SGCD: variants seen among roughly 807,000 people sequenced by gnomAD.
The protein encoded by SGCD is sarcoglycan delta, also known as delta-sarcoglycan.
SGCD carries 18 observed loss-of-function variants against 36.6 expected under a neutral mutation model. The ratio of observed to expected loss-of-function variants is 0.49; its 90% CI spans 0.34 to 0.73. SGCD has a LOEUF of 0.73. SGCD is among the 30% of genes least tolerant of loss of function. The probability of loss-of-function intolerance (pLI) is 0.01; values close to 1 mark genes in which losing one functional copy is unlikely to be tolerated. For synonymous variants in SGCD, 133 were observed against 130.6 expected (o/e 1.02, Z -0.12); for missense variants, 387 against 346.7 (o/e 1.12, Z -0.92).
chr5:156,506,409 A>G (rs1756696303), intron 3 of SGCD, among the ~76,000 whole-genome samples: 1 of 152,170 alleles, frequency 6.6e-6, no homozygotes, highest in South Asian at 2.1e-4. Context: ...TTCCGTCCGC[A>G]GAAACAAAGG....
chr5:156,034,593 C>T (rs1270795223), intron 1 of SGCD, among the ~76,000 whole-genome samples: 1 of 152,118 alleles, frequency 6.6e-6, no homozygotes, highest in Non-Finnish European at 1.5e-5. Flanking sequence ...TGTGATTTTG[C>T]TAAGTGACCA....
chr5:156,535,594 A>C (rs1758072036), intron 4 of SGCD, among the ~76,000 whole-genome samples: 1 of 152,194 alleles, frequency 6.6e-6, no homozygotes, highest in Non-Finnish European at 1.5e-5. Flanking sequence ...TGTATCCAGA[A>C]GTATTTCTGC....
At chr5:156,194,583 A>G (rs1429729971) in intron 3 of SGCD, among the ~76,000 whole-genome samples, 1 of 152,086 alleles carries the variant, frequency 6.6e-6, no homozygotes, top group Non-Finnish European at 1.5e-5. Flanking sequence ...TAAGCTACAG[A>G]TTAAGTAACA....
intron 4 of SGCD, among the ~76,000 whole-genome samples, chr5:156,586,355 T>C (rs1340559997): frequency 1.3e-5 from 2 of 152,218 alleles, no homozygotes; most frequent in African/African-American, 2.4e-5. Flanking sequence ...GTGCATGCTA[T>C]CAACATGATA....
chr5:156,524,281 ATATAGT>A (rs1757558101), intron 4 of SGCD, among the ~76,000 whole-genome samples: 2 of 99,804 alleles, frequency 2.0e-5, no homozygotes, highest in African/African-American at 8.0e-5. Flanking sequence ...ATAGTAATAT[ATATAGT>A]TATATATATA....
chr5:156,505,749 G>A (rs1412330356), intron 3 of SGCD, among the ~76,000 whole-genome samples: 1 of 150,272 alleles, frequency 6.7e-6, no homozygotes, highest in South Asian at 2.1e-4. Flanking sequence ...AAATAACAAA[G>A]CATGTTCATA....
chr5:156,268,391 G>A (rs1766057638), intron 3 of SGCD, among the ~76,000 whole-genome samples: 1 of 152,084 alleles, frequency 6.6e-6, no homozygotes, highest in African/African-American at 2.4e-5. Flanking sequence ...AGCCATATTG[G>A]CTTTACACAA....
chr5:155,936,598 C>A (rs1319530269), intron 1 of SGCD, among the ~76,000 whole-genome samples: 2 of 152,190 alleles, frequency 1.3e-5, no homozygotes, highest in East Asian at 3.9e-4. Flanking sequence ...AAAGGAGGTA[C>A]ATGGTGATTG....
chr5:156,564,715 AG>A (rs1759410084), intron 4 of SGCD, among the ~76,000 whole-genome samples: 1 of 152,040 alleles, frequency 6.6e-6, no homozygotes, highest in South Asian at 2.1e-4. Context: ...TGACCATTTT[AG>A]GTGCCTTATG....
At chr5:155,833,780 A>G in the SGCD span, among the ~76,000 whole-genome samples, 2 of 152,190 alleles carry the variant, frequency 1.3e-5, no homozygotes, top group African/African-American at 4.8e-5. Context: ...GTGCTTCTCA[A>G]GGAACCCACA....
chr5:156,046,211 A>G (rs562120686), intron 1 of SGCD, among the ~76,000 whole-genome samples: 4 of 152,256 alleles, frequency 2.6e-5, no homozygotes, highest in African/African-American at 7.2e-5. Context: ...ACTAGAATTA[A>G]TGAAACAGAA....
intron 7 of SGCD, among the ~76,000 whole-genome samples, chr5:156,685,315 T>C (rs1206677986): frequency 6.6e-6 from 1 of 151,932 alleles, no homozygotes; most frequent in African/African-American, 2.4e-5. Context: ...AGATGGAAGA[T>C]GGTAGAAAAA....
chr5:155,812,230 A>T, the SGCD span, among the ~76,000 whole-genome samples: 1 of 152,204 alleles, frequency 6.6e-6, no homozygotes, highest in Non-Finnish European at 1.5e-5. Flanking sequence ...GTGCCCCACC[A>T]TGTGTCCATT....
chr5:156,423,561 A>T (rs1157202530), intron 3 of SGCD, among the ~76,000 whole-genome samples: 1 of 149,916 alleles, frequency 6.7e-6, no homozygotes, highest in East Asian at 1.9e-4. Context: ...ATCTAGCATC[A>T]TTTCTTGTTT....
chr5:156,475,162 C>G (rs559514539), intron 3 of SGCD, among the ~76,000 whole-genome samples: 1 of 152,330 alleles, frequency 6.6e-6, no homozygotes, highest in South Asian at 2.1e-4. Flanking sequence ...CACAAACTAT[C>G]CCTGCTTTAA....
intron 1 of SGCD, among the ~76,000 whole-genome samples, chr5:155,997,417 A>C (rs1758574186): frequency 6.6e-6 from 1 of 152,228 alleles, no homozygotes; most frequent in Non-Finnish European, 1.5e-5. Flanking sequence ...AGACTTGCAT[A>C]AGTGACTACA....
At chr5:155,999,115 G>A (rs139364465) in intron 1 of SGCD, among the ~76,000 whole-genome samples, 361 of 152,306 alleles carry the variant, frequency 2.4e-3, no homozygotes, top group Admixed American at 5.2e-3. Flanking sequence ...GCTGGATGGA[G>A]AAGCTTAGGC....
rs144627956 is a variant in SGCD at position 155,887,654 on chromosome 5, G to T, written c.-282+17230G>T. On this transcript the variant is annotated intron_variant, in intron 1 of 9. Transcript: ENST00000517913. ...CTGAGGAGTAAAGGACATTTTGTAC[G>T]TGAACCTCTTAGAATCCTGCCTGGT... Among the ~76,000 whole-genome samples the T allele has an allele frequency of 1.5e-3, 232 of 152,260 alleles. 2 individuals are homozygous for T. Among genetic ancestry groups the T allele is most frequent in the African/African-American group, 5.3e-3 (222 of 41,534 alleles).
chr5:156,436,330 G>A (rs1018686431), intron 3 of SGCD, among the ~76,000 whole-genome samples: 10 of 152,204 alleles, frequency 6.6e-5, no homozygotes, highest in Non-Finnish European at 1.3e-4. Context: ...CCCACAGAAA[G>A]TGCTCAAGAT....
Sources: allele counts gnomAD v4.1 joint callset (sites outside exome capture counted in the v4.1 genomes callset), GRCh38; gene constraint gnomAD v4.1.1; transcripts MANE v1.5; gene names NCBI Gene and HGNC (gene_info 2026-07-23, HGNC 2026-07-21).